The following MITF variants were observed in gnomAD, a reference collection of about 807,000 sequenced individuals.
MITF encodes the protein microphthalmia-associated transcription factor.
In MITF, 17 loss-of-function variants were observed where a neutral mutation model predicts 60.5. That is an observed-to-expected ratio of 0.28 (90% CI 0.19 to 0.42). MITF has a LOEUF of 0.42. MITF is among the 10% of genes least tolerant of loss of function. The probability of loss-of-function intolerance (pLI) is 1.00; values close to 1 mark genes in which losing one functional copy is unlikely to be tolerated. For synonymous variants in MITF, 260 were observed against 248.5 expected (o/e 1.05, Z -0.43); for missense variants, 622 against 683.5 (o/e 0.91, Z 1.00).
intron 1 of MITF, among the ~76,000 whole-genome samples, chr3:69,862,129 A>T (rs2064027354): frequency 6.6e-6 from 1 of 152,024 alleles, no homozygotes; most frequent in South Asian, 2.1e-4. Flanking sequence ...TATGAGAATC[A>T]TTTTTTAGAA....
rs1180641260 is a variant in MITF at position 69,967,929 on chromosome 3, C to T, written c.*2681C>T. The T allele has an allele frequency of 2.6e-5, 6 of 233,338 alleles. No individual in the cohort carries two copies. The highest frequency in any genetic ancestry group is 1.2e-4 in the East Asian group (2 of 16,592). 14.5% of individuals were successfully genotyped at this position (233,338 alleles called of 1,614,324 possible). On this transcript the variant is annotated 3_prime_UTR_variant, in exon 10 of 10. Coordinates refer to ENST00000352241, the MANE Select transcript of MITF (RefSeq NM_001354604.2). ...GCCTCTGAGTAGGGCAATGGAAATA[C>T]CAAACCTTCTGACTTTGCCAAAAAG...
chr3:69,881,626 T>C (rs1053309383), intron 2 of MITF, among the ~76,000 whole-genome samples: 3 of 151,222 alleles, frequency 2.0e-5, no homozygotes, highest in African/African-American at 7.4e-5. Context: ...TATAGAAAGA[T>C]AAGTGAGAGA....
At chr3:69,842,266 A>G (rs1282262919) in intron 1 of MITF, among the ~76,000 whole-genome samples, 2 of 152,218 alleles carry the variant, frequency 1.3e-5, no homozygotes, top group Admixed American at 6.5e-5. Flanking sequence ...TATAGGAAAA[A>G]TGGGGCTAGG....
intron 1 of MITF, among the ~76,000 whole-genome samples, chr3:69,751,057 A>T (rs778345271): frequency 6.6e-6 from 1 of 151,896 alleles, no homozygotes; most frequent in African/African-American, 2.4e-5. Flanking sequence ...CCCTGGCCCA[A>T]ATCTCAAAAA....
chr3:69,845,860 C>G (rs1307351271), intron 1 of MITF, among the ~76,000 whole-genome samples: 1 of 152,150 alleles, frequency 6.6e-6, no homozygotes, highest in Admixed American at 6.5e-5. Flanking sequence ...CTTAGAGCCG[C>G]GAGCTTCCTC....
chr3:69,925,411 G>A (rs777441278), intron 2 of MITF, among the ~76,000 whole-genome samples: 7 of 152,076 alleles, frequency 4.6e-5, no homozygotes, highest in Non-Finnish European at 7.4e-5. Context: ...ATAGCTGTGT[G>A]CACCATTTAT....
Position 69,965,335 on chromosome 3 carries a change from A to G in MITF, c.*87A>G. 1 of 1,468,070 alleles carries G rather than the reference A, an allele frequency of 6.8e-7. No individual in the cohort carries two copies. 90.9% of individuals were successfully genotyped at this position (1,468,070 alleles called of 1,614,324 possible). A position where few individuals can be genotyped will look rare whatever the true frequency, so the allele number is the denominator to read the frequency against. The stretch of plus-strand genomic sequence containing the variant: ...ACTTACCTGAAGGGGTTTTCTTGAT[A>G]ATTTTCCTTTAATATGAAATTTTTT... On this transcript the variant is annotated 3_prime_UTR_variant, in exon 10 of 10. Transcript: ENST00000352241.
At chr3:69,753,402 T>C (rs1474840030) in intron 1 of MITF, among the ~76,000 whole-genome samples, 1 of 152,140 alleles carries the variant, frequency 6.6e-6, no homozygotes, top group African/African-American at 2.4e-5. Context: ...ACTAGGGCAG[T>C]GCAAAGGGGA....
At chr3:69,807,011 T>G (rs145651530) in intron 1 of MITF, among the ~76,000 whole-genome samples, 1 of 152,334 alleles carries the variant, frequency 6.6e-6, no homozygotes, top group East Asian at 1.9e-4. Context: ...CTGTTGAAGA[T>G]TCTTATCTTG....
chr3:69,904,925 C>T (rs1316018469), intron 2 of MITF, among the ~76,000 whole-genome samples: 1 of 152,146 alleles, frequency 6.6e-6, no homozygotes, highest in Non-Finnish European at 1.5e-5. Flanking sequence ...GCAACCCATT[C>T]ACAGTACAGT....
chr3:69,834,746 T>C (rs957693871), intron 1 of MITF, among the ~76,000 whole-genome samples: 31 of 152,102 alleles, frequency 2.0e-4, no homozygotes, highest in African/African-American at 7.0e-4. Context: ...TGAGGAACCT[T>C]CCTACTGTTT....
At chr3:69,963,970 C>CTTTTTTTTTTTTTTTTTTT (rs56921812) in intron 9 of MITF, among the ~76,000 whole-genome samples, 3 of 86,124 alleles carry the variant, frequency 3.5e-5, no homozygotes, top group African/African-American at 9.6e-5. Context: ...TTTTTCTTTT[C>CTTTTTTTTTTTTTTTTTTT]TTTTTTTTTT....
chr3:69,905,101 T>C (rs769839353), intron 2 of MITF, among the ~76,000 whole-genome samples: 6 of 152,250 alleles, frequency 3.9e-5, no homozygotes, highest in South Asian at 4.2e-4. Flanking sequence ...TTGTACCTCT[T>C]TGTAACCCCT....
intron 1 of MITF, among the ~76,000 whole-genome samples, chr3:69,872,354 G>A (rs1180254760): frequency 6.6e-6 from 1 of 151,974 alleles, no homozygotes; most frequent in East Asian, 1.9e-4. Flanking sequence ...AAAATCTGCT[G>A]ATGAAAATTG....
intron 1 of MITF, among the ~76,000 whole-genome samples, chr3:69,762,216 A>G (rs2062221848): frequency 6.6e-6 from 1 of 152,226 alleles, no homozygotes; most frequent in Non-Finnish European, 1.5e-5. Context: ...AGAAGTTATA[A>G]AAAATCCTAG....
At chr3:69,789,782 G>A (rs887320101) in intron 1 of MITF, among the ~76,000 whole-genome samples, 1 of 152,126 alleles carries the variant, frequency 6.6e-6, no homozygotes, top group South Asian at 2.1e-4. Flanking sequence ...CTTGAACCCA[G>A]GAGGCAGAGG....
chr3:69,867,989 T>C (rs1308579149), intron 1 of MITF, among the ~76,000 whole-genome samples: 1 of 152,260 alleles, frequency 6.6e-6, no homozygotes, highest in African/African-American at 2.4e-5. Flanking sequence ...TGTGAATTAA[T>C]TGTTTTGTAT....
intron 1 of MITF, among the ~76,000 whole-genome samples, chr3:69,830,038 ATCT>A (rs772136569): frequency 6.6e-5 from 10 of 151,956 alleles, no homozygotes; most frequent in Non-Finnish European, 1.0e-4. Context: ...CCGTGATGTG[ATCT>A]TCTGGGCGAT....
At chr3:69,883,737 T>G (rs550567642) in intron 2 of MITF, among the ~76,000 whole-genome samples, 1 of 152,228 alleles carries the variant, frequency 6.6e-6, no homozygotes, top group East Asian at 1.9e-4. Flanking sequence ...CTTGCCTTTG[T>G]CCCCTCAGTT....
Sources: gnomAD v4.1 joint callset for allele counts (sites outside exome capture counted in the v4.1 genomes callset) on GRCh38, gnomAD v4.1.1 for gene constraint, MANE v1.5 for transcripts, NCBI Gene and HGNC (gene_info 2026-07-23, HGNC 2026-07-21) for gene names.